The following ERC2 variants were observed in gnomAD, a reference collection of about 807,000 sequenced individuals.
ERC2 encodes ERC protein 2.
ERC2 carries 42 observed loss-of-function variants against 114.8 expected under a neutral mutation model. The ratio of observed to expected loss-of-function variants is 0.37; its 90% CI spans 0.29 to 0.47. The LOEUF is 0.47. Ranked by LOEUF, ERC2 falls within the 20% of genes least tolerant of loss-of-function variation. The pLI, the probability that ERC2 is intolerant of heterozygous loss-of-function variation, is 0.99. For missense variants in ERC2, 939 were observed against 1,150.7 expected, an observed-to-expected ratio of 0.82 and a Z score of 2.66; for synonymous variants, 454 against 425.5, an observed-to-expected ratio of 1.07 and a Z score of -0.82.
intron 3 of ERC2, among the ~76,000 whole-genome samples, chr3:56,266,850 A>AG (rs1334409988): frequency 6.6e-6 from 1 of 152,222 alleles, no homozygotes; most frequent in Non-Finnish European, 1.5e-5. Flanking sequence ...CTACCATATG[A>AG]CACAGCAATC....
intron 15 of ERC2, among the ~76,000 whole-genome samples, chr3:55,728,852 G>A (rs1229032290): frequency 1.3e-5 from 2 of 152,182 alleles, no homozygotes; most frequent in Non-Finnish European, 2.9e-5. Flanking sequence ...AGGGTATTTT[G>A]TCATCAGCCC....
intron 14 of ERC2, among the ~76,000 whole-genome samples, chr3:55,856,497 A>G (rs1041100552): frequency 5.9e-5 from 9 of 152,106 alleles, no homozygotes; most frequent in Non-Finnish European, 1.2e-4. Context: ...ACTACAGACA[A>G]TGAAAAAATA....
At chr3:56,382,024 C>T (rs2059771012) in intron 2 of ERC2, among the ~76,000 whole-genome samples, 1 of 152,100 alleles carries the variant, frequency 6.6e-6, no homozygotes, top group Non-Finnish European at 1.5e-5. Flanking sequence ...AAAGCTTCAG[C>T]ACCTCTTTCC....
chr3:55,552,655 G>GT (rs1298703824), intron 17 of ERC2, among the ~76,000 whole-genome samples: 2 of 150,624 alleles, frequency 1.3e-5, no homozygotes, highest in Non-Finnish European at 3.0e-5. Context: ...AAAAAAAGGA[G>GT]AAAAGAAAGG....
intron 15 of ERC2, among the ~76,000 whole-genome samples, chr3:55,714,849 TAA>T (rs11355461): frequency 9.6e-4 from 139 of 145,334 alleles, no homozygotes; most frequent in Middle Eastern, 3.4e-3. Context: ...AATAAAACAA[TAA>T]AAAAAAAAAG....
chr3:55,783,740 A>G (rs781716623), intron 14 of ERC2, among the ~76,000 whole-genome samples: 1 of 152,178 alleles, frequency 6.6e-6, no homozygotes, highest in Non-Finnish European at 1.5e-5. Flanking sequence ...TTGGGTGACA[A>G]AGTCTCATCA....
chr3:55,567,094 T>C (rs990875466), intron 17 of ERC2, among the ~76,000 whole-genome samples: 1 of 152,250 alleles, frequency 6.6e-6, no homozygotes, highest in Non-Finnish European at 1.5e-5. Context: ...CATATTCTCA[T>C]AGTACTTGCA....
At chr3:56,319,825 C>T (rs1340632746) in intron 2 of ERC2, among the ~76,000 whole-genome samples, 1 of 152,026 alleles carries the variant, frequency 6.6e-6, no homozygotes, top group Non-Finnish European at 1.5e-5. Context: ...AAACCAACAA[C>T]AGCAACAAAA....
At chr3:56,297,725 C>T (rs780218164) in intron 2 of ERC2, among the ~76,000 whole-genome samples, 4 of 152,200 alleles carry the variant, frequency 2.6e-5, no homozygotes, top group Non-Finnish European at 5.9e-5. Context: ...TAAGACATAG[C>T]TCCTGCCCAC....
chr3:55,924,674 T>C (rs2065645819), intron 13 of ERC2, among the ~76,000 whole-genome samples: 1 of 152,024 alleles, frequency 6.6e-6, no homozygotes, highest in Non-Finnish European at 1.5e-5. Context: ...ACAGAAATGC[T>C]GTGGGGAGAG....
intron 17 of ERC2, among the ~76,000 whole-genome samples, chr3:55,617,243 G>A (rs815447): frequency 0.56 from 85,793 of 152,008 alleles, 25,874 homozygotes; most frequent in Non-Finnish European, 0.67. Context: ...TTTCCAGTGC[G>A]CCTCTACCTT....
intron 7 of ERC2, among the ~76,000 whole-genome samples, chr3:56,054,322 G>A (rs1367428078): frequency 6.6e-6 from 1 of 152,208 alleles, no homozygotes; most frequent in Non-Finnish European, 1.5e-5. Flanking sequence ...TTGAACGGGG[G>A]AGATTTAGTT....
intron 16 of ERC2, among the ~76,000 whole-genome samples, chr3:55,684,740 A>C (rs555489806): frequency 2.0e-5 from 3 of 152,362 alleles, no homozygotes; most frequent in Admixed American, 6.5e-5. Context: ...CTTTGAAGAC[A>C]GAAGTATATC....
intron 17 of ERC2, among the ~76,000 whole-genome samples, chr3:55,548,878 G>A (rs1028586698): frequency 6.6e-5 from 10 of 152,172 alleles, no homozygotes; most frequent in African/African-American, 1.9e-4. Flanking sequence ...TCCAGCCAAT[G>A]TTGTTTTTCA....
chr3:55,668,748 A>T (rs1193294052), intron 17 of ERC2, among the ~76,000 whole-genome samples: 1 of 152,216 alleles, frequency 6.6e-6, no homozygotes, highest in Non-Finnish European at 1.5e-5. Flanking sequence ...TAGATTATGC[A>T]ATATAAAGTT....
intron 7 of ERC2, among the ~76,000 whole-genome samples, chr3:56,033,080 G>GAAAGAAAGAA (rs1438673324): frequency 4.4e-4 from 55 of 125,830 alleles, no homozygotes; most frequent in African/African-American, 1.5e-3. Context: ...AAGAAAGAAA[G>GAAAGAAAGAA]AAAGAAAAGT....
At chr3:56,124,417 G>A (rs2079760473) in intron 6 of ERC2, among the ~76,000 whole-genome samples, 1 of 152,196 alleles carries the variant, frequency 6.6e-6, no homozygotes, top group Non-Finnish European at 1.5e-5. Context: ...CTAAAGGACT[G>A]GCACGAAGCA....
In ERC2 at chr3:56,048,196, C is replaced by A. The variant is rs557300266; in HGVS notation, c.1642-29165G>T. ...TTCAGTGTTTTGTCTAACTCTAACT[C>A]AGCCTTCTTTAAACTCAGGAACAGA... On this transcript the variant is annotated intron_variant, in intron 7 of 17. Coordinates refer to ENST00000288221, the MANE Select transcript of ERC2 (RefSeq NM_015576.3). Among the ~76,000 whole-genome samples the A allele has an allele frequency of 2.6e-5, 4 of 152,314 alleles. No homozygotes were observed. The South Asian group carries it at 8.3e-4, about 32-fold the overall frequency.
chr3:56,238,802 T>G (rs1428378817), intron 3 of ERC2, among the ~76,000 whole-genome samples: 1 of 152,216 alleles, frequency 6.6e-6, no homozygotes, highest in Non-Finnish European at 1.5e-5. Context: ...TACAAAATCA[T>G]TATATTTTCA....
Sources: gnomAD v4.1 joint callset for allele counts (sites outside exome capture counted in the v4.1 genomes callset) on GRCh38, gnomAD v4.1.1 for gene constraint, MANE v1.5 for transcripts, NCBI Gene and HGNC (gene_info 2026-07-23, HGNC 2026-07-21) for gene names.